NHLH2: variants seen among roughly 807,000 people sequenced by gnomAD.
NHLH2 encodes nescient helix-loop-helix 2.
A neutral mutation model predicts 7.3 loss-of-function variants in NHLH2; 7 were observed. The ratio of observed to expected loss-of-function variants is 0.96; its 90% CI spans 0.55 to 1.81. The LOEUF (loss-of-function observed/expected upper bound fraction) is 1.81. NHLH2 is among the 40% of genes most tolerant of loss of function. The pLI is 0.00. For missense variants in NHLH2, 155 were observed against 194.0 expected, an observed-to-expected ratio of 0.80 and a Z score of 1.19; for synonymous variants, 93 against 91.6, an observed-to-expected ratio of 1.01 and a Z score of -0.09.
downstream of NHLH2, among the ~76,000 whole-genome samples, chr1:115,834,523 G>A (rs1650821081): frequency 2.0e-5 from 3 of 152,162 alleles, no homozygotes; most frequent in Admixed American, 1.3e-4. Context: ...TTAATAGGAT[G>A]AGAAAAGAAA....
chr1:115,840,862 G>A (rs1451870292), intron 1 of NHLH2, 86 bp downstream of exon 1: 4 of 165,904 alleles, frequency 2.4e-5, no homozygotes, highest in Non-Finnish European at 5.9e-5. Flanking sequence ...TTACTTGTAT[G>A]TTGTATAAAT....
rs1237046785 is a variant in NHLH2 at position 115,837,612 on chromosome 1, T to C, written c.*353A>G. The C allele has an allele frequency of 1.1e-5, 3 of 273,526 alleles. No homozygotes were observed. Among genetic ancestry groups the C allele is most frequent in the Non-Finnish European group, 2.1e-5 (3 of 145,622 alleles). 16.9% of individuals were successfully genotyped at this position (273,526 alleles called of 1,614,324 possible). On this transcript the variant is annotated 3_prime_UTR_variant, in exon 3 of 3. Transcript: ENST00000320238. ...CTCATTCTTTCAACACATTAAGATTTGTGGCGGATGAATGTAGGAGAACTC... is the reference window on the plus strand; with the variant it reads ...CTCATTCTTTCAACACATTAAGATTCGTGGCGGATGAATGTAGGAGAACTC...
Position 115,838,330 on chromosome 1 carries a change from T to C in NHLH2, c.43A>G (p.Ser15Gly), listed in dbSNP as rs777404034. The C allele has an allele frequency of 1.2e-6, 2 of 1,609,532 alleles. No homozygotes were observed. The highest frequency in any genetic ancestry group is 1.7e-6 in the Non-Finnish European group (2 of 1,179,380). The change falls in exon 3 of 3, where the codon AGC (serine) becomes GGC (glycine). Residue 15 changes from serine to glycine, a missense_variant. By Grantham distance (56) the Ser-to-Gly change is moderately conservative (BLOSUM62 0). Coordinates refer to ENST00000320238, the MANE Select transcript of NHLH2 (RefSeq NM_005599.3). ...GACTCCGGATCCGAGTGCGCCGAGC[T>C]GGGATGGTCCGAATCTGCTGCTTGG... ...PDQAADSDHP[S>G]SAHSDPESLG...
In NHLH2 at chr1:115,838,001, G is replaced by T; in HGVS notation, c.372C>A (p.Cys124Ter). 6.2e-7 allele frequency: 1 copy of T among 1,610,368 alleles called. No individual in the cohort carries two copies. Among genetic ancestry groups the T allele is most frequent in the Non-Finnish European group, 8.5e-7 (1 of 1,178,564 alleles). Residue 124 changes from cysteine (C) to a stop codon, truncating the protein, a stop_gained, in exon 3 of 3, where the codon TGC becomes TGA. Coordinates refer to ENST00000320238, the MANE Select transcript of NHLH2 (RefSeq NM_005599.3). LOFTEE classifies it high-confidence loss of function. ...GGACGTGGTTGAGATAGGAGATGTA[G>T]CAGATGGCCAGGCGCAGGATCTCGA... ...SKIEILRLAICYISYLNHVLD... is the reference protein window; with the variant it reads ...SKIEILRLAI
Position 115,836,862 on chromosome 1 carries a change from C to T in NHLH2, c.*1103G>A, listed in dbSNP as rs1570906462. ...TGAAGTGCTAGTGTTGCTGATCTCA[C>T]AACAAAAGAACCTTTCAAGAACAAA... On this transcript the variant is annotated 3_prime_UTR_variant, in exon 3 of 3. Transcript: ENST00000320238. 1 of 151,996 alleles carries T rather than the reference C, an allele frequency of 6.6e-6. No homozygotes were observed. The allele number at this position is 151,996 out of a possible 1,614,324, so 9.4% of individuals were successfully genotyped here.
downstream of NHLH2, among the ~76,000 whole-genome samples, chr1:115,834,356 G>A (rs1035661675): frequency 3.3e-5 from 5 of 152,174 alleles, no homozygotes; most frequent in Non-Finnish European, 7.3e-5. Flanking sequence ...GTGGCTGTGG[G>A]CAAAGAGAAG....
chr1:115,838,150 T>C lies in NHLH2; in HGVS notation c.223A>G (p.Thr75Ala). ...REEKRRRRRA[T>A]AKYRSAHATR... is the part of the protein sequence containing the mutation. Reference sequence around the variant, plus strand: ...GCGTGGGCCGAGCGGTACTTGGCCGTGGCGCGCCGGCGGCGGCGCTTCTCC... The same window carrying C: ...GCGTGGGCCGAGCGGTACTTGGCCGCGGCGCGCCGGCGGCGGCGCTTCTCC... Residue 75 changes from threonine to alanine, a missense_variant, in exon 3 of 3, where the codon ACG (threonine) becomes GCG (alanine). Thr to Ala is a moderately conservative substitution (Grantham distance 58). This residue lies in a region of NHLH2 where 64 missense variants were observed against 107.4 expected (regional missense o/e 0.60). Coordinates refer to ENST00000320238, the MANE Select transcript of NHLH2 (RefSeq NM_005599.3). 2 of 1,593,334 alleles carry C rather than the reference T, an allele frequency of 1.3e-6. No homozygotes were observed. Among genetic ancestry groups the C allele is most frequent in the Non-Finnish European group, 1.7e-6 (2 of 1,171,238 alleles).
In NHLH2 at chr1:115,838,165, G is replaced by C. The variant is rs1262624693; in HGVS notation, c.208C>G (p.Arg70Gly). Residue 70 changes from arginine (R) to glycine (G), a missense_variant, in exon 3 of 3, where the codon CGC becomes GGC. By Grantham distance (125) the Arg-to-Gly change is moderately radical (BLOSUM62 -2). Transcript: ENST00000320238. The part of the protein sequence containing the change: ...PQQLSREEKR[R>G]RRRATAKYRS... ...TACTTGGCCGTGGCGCGCCGGCGGCGGCGCTTCTCCTCGCGGCTCAGCTGC... is the reference window on the plus strand; with the variant it reads ...TACTTGGCCGTGGCGCGCCGGCGGCCGCGCTTCTCCTCGCGGCTCAGCTGC... 1.9e-6 allele frequency: 3 copies of C among 1,583,616 alleles called. No homozygotes were observed. Among genetic ancestry groups the C allele is most frequent in the Non-Finnish European group, 1.7e-6 (2 of 1,166,560 alleles).
rs963597326 is a variant in NHLH2, at chr1:115,837,292, C to T, written c.*673G>A. On this transcript the variant is annotated 3_prime_UTR_variant, in exon 3 of 3. Transcript: ENST00000320238. ...ATTTAAATATGGATTTTCCTGTCTA[C>T]CTTGGTGTCATATCTTGGGGATAAA... The T allele has an allele frequency of 6.6e-6, 1 of 152,640 alleles. No homozygotes were observed. The highest frequency in any genetic ancestry group is 2.4e-5 in the African/African-American group (1 of 41,452). 9.5% of individuals were successfully genotyped at this position (152,640 alleles called of 1,614,324 possible).
intron 2 of NHLH2, 155 bp from the exon 3 acceptor site, chr1:115,838,535 T>C (rs1650952877): frequency 1.2e-6 from 1 of 805,342 alleles, no homozygotes; most frequent in Non-Finnish European, 1.9e-6. Context: ...AGGGCGCCGA[T>C]AGGATCTGGC....
At chr1:115,834,657 C>A (rs927800705), downstream of NHLH2, among the ~76,000 whole-genome samples, 1 of 152,206 alleles carries the variant, frequency 6.6e-6, no homozygotes, top group Non-Finnish European at 1.5e-5. Context: ...TGCTACCCAG[C>A]ACCAGCACGT....
chr1:115,835,146 T>C (rs1163987820), downstream of NHLH2, among the ~76,000 whole-genome samples: 1 of 152,174 alleles, frequency 6.6e-6, no homozygotes, highest in Non-Finnish European at 1.5e-5. Context: ...CAAGGGCCTT[T>C]TGTCTAGGGG....
intron 2 of NHLH2, 74 bp downstream of exon 2, chr1:115,840,142 A>G (rs994455278): frequency 1.2e-5 from 2 of 167,046 alleles, no homozygotes; most frequent in Non-Finnish European, 1.5e-5. Context: ...TTATGGAATG[A>G]ACTGCATCTA....
chr1:115,834,392 T>TGTGGTTCTG (rs1291942159), downstream of NHLH2, among the ~76,000 whole-genome samples: 14 of 152,104 alleles, frequency 9.2e-5, no homozygotes, highest in Non-Finnish European at 1.6e-4. Flanking sequence ...CAGGAAGACA[T>TGTGGTTCTG]GTGGTTCTGG....
chr1:115,838,032 G>A lies in NHLH2; in HGVS notation c.341C>T (p.Ser114Phe). ...LPTLPPDKKL[S>F]KIEILRLAIC... is the part of the protein sequence containing the mutation. ...GGCCAGGCGCAGGATCTCGATCTTG[G>A]AGAGCTTCTTGTCCGGGGGCAGCGT... The change falls in exon 3 of 3, where the codon TCC (serine) becomes TTC (phenylalanine). Residue 114 changes from serine to phenylalanine, a missense_variant. Physicochemically the swap from Ser to Phe is radical, Grantham distance 155 (BLOSUM62 -2). Around this residue, in one of 2 missense-constraint regions of NHLH2, gnomAD observed 64 missense variants for 107.4 expected, o/e 0.60. Coordinates refer to ENST00000320238, the MANE Select transcript of NHLH2 (RefSeq NM_005599.3). 1 of 1,610,598 alleles carries A rather than the reference G, an allele frequency of 6.2e-7. No individual in the cohort carries two copies. Among genetic ancestry groups the A allele is most frequent in the South Asian group, 1.1e-5 (1 of 90,898 alleles).
chr1:115,833,482 G>GT (rs1365766135), downstream of NHLH2, among the ~76,000 whole-genome samples: 3 of 152,144 alleles, frequency 2.0e-5, no homozygotes, highest in African/African-American at 2.4e-5. Flanking sequence ...AGGCACCAAG[G>GT]GGGGTGGTGT....
At chr1:115,831,870 C>T (rs1437297726), downstream of NHLH2, among the ~76,000 whole-genome samples, 1 of 149,908 alleles carries the variant, frequency 6.7e-6, no homozygotes, top group African/African-American at 2.5e-5. Flanking sequence ...TGCAGTGAGC[C>T]AAGATTGCGC....
rs1169525319 is a variant in NHLH2 at position 115,838,091 on chromosome 1, G to A, written c.282C>T (p.Asn94=). The A allele has an allele frequency of 6.2e-7, 1 of 1,608,638 alleles. No homozygotes were observed. The highest frequency in any genetic ancestry group is 1.4e-5 in the African/African-American group (1 of 73,794). The part of the protein sequence containing the change: ...TRERIRVEAF[N]LAFAELRKLL... Reference sequence around the variant, plus strand: ...ATTTGCGGAGCTCGGCGAAGGCCAAGTTGAAGGCTTCCACGCGGATGCGCT... The same window carrying A: ...ATTTGCGGAGCTCGGCGAAGGCCAAATTGAAGGCTTCCACGCGGATGCGCT... Residue 94 remains asparagine (N), a synonymous_variant, in exon 3 of 3, where the codon AAC becomes AAT. Transcript: ENST00000320238.
chr1:115,833,227 A>G (rs1570903977), downstream of NHLH2, among the ~76,000 whole-genome samples: 1 of 152,110 alleles, frequency 6.6e-6, no homozygotes, highest in African/African-American at 2.4e-5. Context: ...CTGGTGGGGG[A>G]GTTGTCACAG....
Sources: gnomAD v4.1 joint callset for allele counts (sites outside exome capture counted in the v4.1 genomes callset) on GRCh38, gnomAD v4.1.1 for gene constraint, gnomAD v4.1.1 regional missense constraint, MANE v1.5 for transcripts, NCBI Gene and HGNC (gene_info 2026-07-23, HGNC 2026-07-21) for gene names.